Variants in AGAP1 observed in about 807,000 individuals in gnomAD.
The protein encoded by AGAP1 is arf-GAP with GTPase, ANK repeat and PH domain-containing protein 1.
AGAP1 carries 29 observed loss-of-function variants against 105.3 expected under a neutral mutation model. The observed-to-expected ratio is 0.28, with a 90% CI of 0.21 to 0.38. The LOEUF (loss-of-function observed/expected upper bound fraction) is 0.38. Among genes scored for constraint, AGAP1 ranks in the 10% least tolerant of loss-of-function variants. AGAP1 has a pLI of 1.00. For synonymous variants in AGAP1, 509 were observed against 485.9 expected (o/e 1.05, Z -0.63); for missense variants, 998 against 1,165.1 (o/e 0.86, Z 2.09).
intron 9 of AGAP1, among the ~76,000 whole-genome samples, chr2:235,878,210 T>C (rs561405359): frequency 4.3e-4 from 65 of 152,230 alleles, no homozygotes; most frequent in African/African-American, 1.4e-3. Flanking sequence ...TGGCCAGAAG[T>C]CACAAACACC....
chr2:235,559,486 A>C lies in AGAP1; in HGVS notation c.163+64637A>C, dbSNP rs1944081170. ...TTGCGAACATTCTTCTCTAAGGTTG[A>C]AAATCAGTTTTTCATTATGTAAATA... On this transcript the variant is annotated intron_variant, in intron 1 of 17. Transcript: ENST00000304032. This position sits in a 1 kb window ranked among gnomAD's most constrained non-coding sequence, Gnocchi z 5.7. 2.6e-5 allele frequency among the ~76,000 whole-genome samples: 4 copies of C among 152,182 alleles called. No homozygotes were observed. The highest frequency in any genetic ancestry group is 2.6e-4 in the Admixed American group (4 of 15,276).
chr2:235,698,655 T>G (rs60182148), intron 1 of AGAP1, among the ~76,000 whole-genome samples: 11,928 of 152,246 alleles, frequency 0.078, 1,535 homozygotes, highest in African/African-American at 0.27. Flanking sequence ...AAGGTGACAA[T>G]GTTCTACCGC....
chr2:235,800,658 G>A (rs1440949880), intron 8 of AGAP1, among the ~76,000 whole-genome samples: 1 of 152,208 alleles, frequency 6.6e-6, no homozygotes, highest in Non-Finnish European at 1.5e-5. Flanking sequence ...CAGTGCTTCT[G>A]AACCAGGGTG....
intron 1 of AGAP1, among the ~76,000 whole-genome samples, chr2:235,706,342 A>G (rs1233849809): frequency 1.3e-5 from 2 of 152,176 alleles, no homozygotes; most frequent in Middle Eastern, 3.4e-3. Flanking sequence ...CTCCTGCCTC[A>G]GGCTCCCGAG....
intron 1 of AGAP1, among the ~76,000 whole-genome samples, chr2:235,590,678 T>TGC (rs1559271947): frequency 5.6e-5 from 6 of 106,510 alleles, no homozygotes; most frequent in East Asian, 2.2e-4. Context: ...TGTGTGTGTG[T>TGC]GTGTGTGCGT....
chr2:235,887,812 T>A lies in AGAP1; in HGVS notation c.1155+4363T>A, dbSNP rs910233450. 1.3e-5 allele frequency among the ~76,000 whole-genome samples: 2 copies of A among 152,222 alleles called. No homozygotes were observed. The highest frequency in any genetic ancestry group is 2.9e-5 in the Non-Finnish European group (2 of 68,030). ...GTAATTAGTGGACTAAAAAGGAAACTAGCATGCTTTTGGGGAGACGGGATT... is the reference window on the plus strand; with the variant it reads ...GTAATTAGTGGACTAAAAAGGAAACAAGCATGCTTTTGGGGAGACGGGATT... On this transcript the variant is annotated intron_variant, in intron 10 of 17. Coordinates refer to ENST00000304032, the MANE Select transcript of AGAP1 (RefSeq NM_001037131.3). This position sits in a 1 kb window ranked among gnomAD's most constrained non-coding sequence, Gnocchi z 4.1.
chr2:235,814,232 C>CCTT (rs1043777718), intron 9 of AGAP1, among the ~76,000 whole-genome samples: 3 of 152,198 alleles, frequency 2.0e-5, no homozygotes, highest in Admixed American at 2.0e-4. Context: ...GGGAGCCTGC[C>CCTT]CTTCTCTACC....
rs2149269218 is a variant in AGAP1 at position 235,620,315 on chromosome 2, T to C, written c.164-88864T>C. Among the ~76,000 whole-genome samples, 1 of 152,274 alleles carries C rather than the reference T, an allele frequency of 6.6e-6. No homozygotes were observed. Among genetic ancestry groups the C allele is most frequent in the South Asian group, 2.1e-4 (1 of 4,822 alleles). On this transcript the variant is annotated intron_variant, in intron 1 of 17. Coordinates refer to ENST00000304032, the MANE Select transcript of AGAP1 (RefSeq NM_001037131.3). This position sits in a 1 kb window ranked among gnomAD's most constrained non-coding sequence, Gnocchi z 4.5. ...GCTCACCTCTTCAAGCCGATGCTGCTACTCTCCTGGACAGTCCACTTGCCC... is the reference window on the plus strand; with the variant it reads ...GCTCACCTCTTCAAGCCGATGCTGCCACTCTCCTGGACAGTCCACTTGCCC...
chr2:235,953,096 T>TTTA lies in AGAP1; in HGVS notation c.1484-15366_1484-15365insTTA, dbSNP rs2053807903. On this transcript the variant is annotated intron_variant, in intron 12 of 17. Transcript: ENST00000304032. The surrounding 1 kb of genome is among the most constrained non-coding windows in gnomAD (Gnocchi z 5.2). Reference sequence around the variant, plus strand: ...ACTGGGACATGCCACCCACCTCCAATAAAGGCTTGGGAGTCGCAAGGATCC... The same window carrying TTTA: ...ACTGGGACATGCCACCCACCTCCAATTTAAAAGGCTTGGGAGTCGCAAGGATCC... 6.6e-6 allele frequency among the ~76,000 whole-genome samples: 1 copy of TTTA among 152,180 alleles called. No individual in the cohort carries two copies. The highest frequency in any genetic ancestry group is 1.5e-5 in the Non-Finnish European group (1 of 68,032).
At chr2:235,707,694 C>T (rs903503154) in intron 1 of AGAP1, among the ~76,000 whole-genome samples, 2 of 75,176 alleles carry the variant, frequency 2.7e-5, no homozygotes, top group Non-Finnish European at 7.2e-5. Flanking sequence ...ACGTGCTCCC[C>T]AGCCTGTGAC....
chr2:235,624,649 T>C (rs1030933823), intron 1 of AGAP1, among the ~76,000 whole-genome samples: 1 of 152,178 alleles, frequency 6.6e-6, no homozygotes, highest in African/African-American at 2.4e-5. Context: ...GAGGAGATTC[T>C]GATTTTGCCA....
rs903571522 is a variant in AGAP1, at chr2:235,621,636, C to A, written c.164-87543C>A. ...TCCTCTGACTCCAGATGTCAGTGAC[C>A]CTTCTGGTCTCTCCAACACAAGGGT... On this transcript the variant is annotated intron_variant, in intron 1 of 17. Transcript: ENST00000304032. The surrounding 1 kb of genome is among the most constrained non-coding windows in gnomAD (Gnocchi z 4.1). Among the ~76,000 whole-genome samples, 1 of 152,198 alleles carries A rather than the reference C, an allele frequency of 6.6e-6. No homozygotes were observed. Among genetic ancestry groups the A allele is most frequent in the Non-Finnish European group, 1.5e-5 (1 of 68,040 alleles).
rs116101591 is a variant in AGAP1, at chr2:235,584,508, C to G, written c.163+89659C>G. On this transcript the variant is annotated intron_variant, in intron 1 of 17. Transcript: ENST00000304032. ...GGGTCCTGATCCAGTGATCGGTGTT[C>G]ATCTGAGAAGAGGGAGGTTGTGACA... is the stretch of plus-strand genomic sequence containing the variant. Among the ~76,000 whole-genome samples the G allele has an allele frequency of 2.4e-3, 356 of 148,658 alleles. 4 individuals are homozygous for G. Among genetic ancestry groups the G allele is most frequent in the African/African-American group, 8.0e-3 (321 of 40,120 alleles).
intron 16 of AGAP1, among the ~76,000 whole-genome samples, chr2:236,064,673 C>T (rs2058297100): frequency 6.6e-6 from 1 of 152,174 alleles, no homozygotes; most frequent in Admixed American, 6.5e-5. Flanking sequence ...ATTAAACCCA[C>T]ACTGCTGCAG....
At chr2:235,500,440 C>G (rs1376061487) in intron 1 of AGAP1, among the ~76,000 whole-genome samples, 1 of 152,210 alleles carries the variant, frequency 6.6e-6, no homozygotes, top group Non-Finnish European at 1.5e-5. Flanking sequence ...TGCCCTGGTC[C>G]AGGGACCGCA....
rs79125439 is a variant in AGAP1 at position 235,926,040 on chromosome 2, A to G, written c.1325-4725A>G. Among the ~76,000 whole-genome samples, 1,040 of 152,336 alleles carry G rather than the reference A, an allele frequency of 6.8e-3. 13 individuals are homozygous for G. Among genetic ancestry groups the G allele is most frequent in the African/African-American group, 0.024 (985 of 41,580 alleles). On this transcript the variant is annotated intron_variant, in intron 11 of 17. Transcript: ENST00000304032. Reference sequence around the variant, plus strand: ...TTTTTTATGCTTAAAGATATTTCCAAAAGTGTTCAAAACTCCTGTGTGGTA... The same window carrying G: ...TTTTTTATGCTTAAAGATATTTCCAGAAGTGTTCAAAACTCCTGTGTGGTA...
At chr2:235,501,781 GC>G (rs528098533) in intron 1 of AGAP1, among the ~76,000 whole-genome samples, 166 of 151,670 alleles carry the variant, frequency 1.1e-3, no homozygotes, top group Non-Finnish European at 1.8e-3. Context: ...CCCCCTCCCC[GC>G]CCCCATCCCA....
chr2:235,804,545 C>T (rs758082319), intron 8 of AGAP1, among the ~76,000 whole-genome samples: 3 of 152,190 alleles, frequency 2.0e-5, no homozygotes, highest in Admixed American at 1.3e-4. Flanking sequence ...AGGGGGTAAA[C>T]GGGCTTCTCT....
At chr2:235,679,535 G>A (rs1431885274) in intron 1 of AGAP1, among the ~76,000 whole-genome samples, 1 of 152,176 alleles carries the variant, frequency 6.6e-6, no homozygotes, top group Non-Finnish European at 1.5e-5. Context: ...GGAGAATAGA[G>A]TTCTCTTTTT....
Sources: gnomAD v4.1 joint callset for allele counts (sites outside exome capture counted in the v4.1 genomes callset) on GRCh38, gnomAD v4.1.1 for gene constraint, Gnocchi (gnomAD v3.1) non-coding constraint, MANE v1.5 for transcripts, NCBI Gene and HGNC (gene_info 2026-07-23, HGNC 2026-07-21) for gene names.